SPDYE4: variants seen among roughly 807,000 people sequenced by gnomAD.
The protein encoded by SPDYE4 is speedy protein E4.
SPDYE4 carries 30 observed loss-of-function variants against 37.5 expected under a neutral mutation model. That is an observed-to-expected ratio of 0.80 (90% confidence interval 0.60 to 1.09). The LOEUF is 1.09. SPDYE4 is among the 50% of genes least tolerant of loss of function. The pLI is 0.00. For missense variants in SPDYE4, 300 were observed against 307.9 expected (o/e 0.97, Z 0.19); for synonymous variants, 131 against 120.3 (o/e 1.09, Z -0.58).
chr17:8,756,430 G>T lies in SPDYE4; in HGVS notation c.347C>A (p.Pro116His). Residue 116 changes from proline (P) to histidine (H), a missense_variant, in exon 3 of 7, where the codon CCT (proline) becomes CAT (histidine). Coordinates refer to ENST00000689094, the MANE Select transcript of SPDYE4 (RefSeq NM_001394956.1). The part of the protein sequence containing the change: ...HEAFNRLLGD[P>H]VVQKFLAWDK... ...CCAGGCCAGGAATTTTTGAACGACAGGATCCCCTGTGAAAAGAGAGCCTGT... is the reference window on the plus strand; with the variant it reads ...CCAGGCCAGGAATTTTTGAACGACATGATCCCCTGTGAAAAGAGAGCCTGT... 1 of 1,614,008 alleles carries T rather than the reference G, an allele frequency of 6.2e-7. No homozygotes were observed. Among genetic ancestry groups the T allele is most frequent in the Non-Finnish European group, 8.5e-7 (1 of 1,179,906 alleles).
chr17:8,752,888 C>T (rs575434046), intron 6 of SPDYE4, among the ~76,000 whole-genome samples: 3 of 152,238 alleles, frequency 2.0e-5, no homozygotes, highest in South Asian at 2.1e-4. Flanking sequence ...CCCCGACCTC[C>T]GGGGCTCTGG....
downstream of SPDYE4, among the ~76,000 whole-genome samples, chr17:8,748,535 A>C (rs556664248): frequency 2.6e-5 from 4 of 152,372 alleles, no homozygotes; most frequent in South Asian, 8.3e-4. Context: ...AAATGTGAGA[A>C]AGAAATGTTT....
At position 8,758,451 on chromosome 17, in the gene SPDYE4, G is replaced by A; in HGVS notation, c.-69C>T. The A allele has an allele frequency of 7.2e-7, 1 of 1,388,008 alleles. No individual in the cohort carries two copies. Among genetic ancestry groups the A allele is most frequent in the East Asian group, 2.5e-5 (1 of 40,078 alleles). The allele number at this position is 1,388,008 out of a possible 1,614,324, so 86.0% of individuals were successfully genotyped here. A position where few individuals can be genotyped will look rare whatever the true frequency, so the allele number is the denominator to read the frequency against. Reference sequence around the variant, plus strand: ...CTGTTCTGTCCAAAGCCTTCTTCCAGACTCCGTTAGGACCCAGAAGAGTGC... The same window carrying A: ...CTGTTCTGTCCAAAGCCTTCTTCCAAACTCCGTTAGGACCCAGAAGAGTGC... On this transcript the variant is annotated 5_prime_UTR_variant, in exon 1 of 7. Coordinates refer to ENST00000689094, the MANE Select transcript of SPDYE4 (RefSeq NM_001394956.1).
downstream of SPDYE4, among the ~76,000 whole-genome samples, chr17:8,747,666 C>T (rs2086698735): frequency 6.6e-6 from 1 of 152,142 alleles, no homozygotes; most frequent in African/African-American, 2.4e-5. Flanking sequence ...CAGAACACAG[C>T]CTTGATCTCG....
chr17:8,753,158 C>T lies in SPDYE4; in HGVS notation c.694G>A (p.Asp232Asn). 6.2e-7 allele frequency: 1 copy of T among 1,614,014 alleles called. No individual in the cohort carries two copies. Among genetic ancestry groups the T allele is most frequent in the Non-Finnish European group, 8.5e-7 (1 of 1,180,010 alleles). Residue 232 changes from aspartate (D) to asparagine (N), a missense_variant, in exon 6 of 7, where the codon GAT (aspartate) becomes AAT (asparagine). Asp to Asn is a conservative substitution (Grantham distance 23). Coordinates refer to ENST00000689094, the MANE Select transcript of SPDYE4 (RefSeq NM_001394956.1). ...GAGCTCTAGGAAATGAGGGTGCGAT[C>T]TCGGGCCCACACCCAGTGCTCTGGG... is the stretch of plus-strand genomic sequence containing the variant. ...YDPEHWVWAR[D>N]RTLIS is the part of the protein sequence containing the mutation.
At chr17:8,756,322 C>G (rs2086771895) in intron 3 of SPDYE4, 56 bp downstream of exon 3, 1 of 1,556,020 alleles carries the variant, frequency 6.4e-7, no homozygotes, top group Non-Finnish European at 8.8e-7. Context: ...GACGCTGCAC[C>G]CTTCCCCAGG....
In SPDYE4 at chr17:8,755,582, C is replaced by T. The variant is rs377608298; in HGVS notation, c.423G>A (p.Ala141=). 884 of 1,612,668 alleles carry T rather than the reference C, an allele frequency of 5.5e-4. 2 individuals are homozygous for T. Among genetic ancestry groups the T allele is most frequent in the Non-Finnish European group, 3.4e-4 (404 of 1,179,454 alleles). ...SDKYLLAMVI[A]YFSRAGLFSW... ...AGAAGAGGCCGGCACGGCTAAAATA[C>T]GCTATGACCATAGCCAGGAGATACT... The change falls in exon 4 of 7, where the codon GCG becomes GCA. Residue 141 remains alanine (A), a synonymous_variant. Coordinates refer to ENST00000689094, the MANE Select transcript of SPDYE4 (RefSeq NM_001394956.1).
downstream of SPDYE4, among the ~76,000 whole-genome samples, chr17:8,749,420 T>G (rs8078310): frequency 6.6e-6 from 1 of 151,984 alleles, no homozygotes; most frequent in African/African-American, 2.4e-5. Context: ...CATGCCACTA[T>G]GCCCGGCTAA....
rs2086794477 is a variant in SPDYE4, at chr17:8,758,543, A to T, written c.-161T>A. 1 of 643,232 alleles carries T rather than the reference A, an allele frequency of 1.6e-6. No individual in the cohort carries two copies. The highest frequency in any genetic ancestry group is 2.7e-6 in the Non-Finnish European group (1 of 377,302). The allele number at this position is 643,232 out of a possible 1,614,324, so 39.8% of individuals were successfully genotyped here. On this transcript the variant is annotated 5_prime_UTR_variant, in exon 1 of 7. Coordinates refer to ENST00000689094, the MANE Select transcript of SPDYE4 (RefSeq NM_001394956.1). ...TAGTTCTGAGAAGTTGCTGTTGTCC[A>T]CCTGAACTCCCAAGCAACCAGAGTC...
rs970859042 is a variant in SPDYE4 at position 8,751,290 on chromosome 17, G to A, written c.*992C>T. On this transcript the variant is annotated 3_prime_UTR_variant, in exon 7 of 7. Transcript: ENST00000689094. ...CATCACACAACTTCATAAGAACAGT[G>A]TCTTTTAAAAAATACTTGTATTTCT... Among the ~76,000 whole-genome samples the A allele has an allele frequency of 9.9e-5, 15 of 152,228 alleles. No individual in the cohort carries two copies. Among genetic ancestry groups the A allele is most frequent in the African/African-American group, 3.6e-4 (15 of 41,560 alleles).
chr17:8,758,290 T>A lies in SPDYE4; in HGVS notation c.93A>T (p.Glu31Asp), dbSNP rs1481890603. 10 of 1,547,246 alleles carry A rather than the reference T, an allele frequency of 6.5e-6. No individual in the cohort carries two copies. The highest frequency in any genetic ancestry group is 8.7e-6 in the Non-Finnish European group (10 of 1,144,904). The stretch of plus-strand genomic sequence containing the variant: ...TCACCTCACCTGATGGTCCTGGCAC[T>A]TCATCATCCACCACCACCTCGGGGG... ...VRSPEVVVDD[E>D]VPGPSAPWID... The change falls in exon 1 of 7, where the codon GAA becomes GAT. Residue 31 changes from glutamate (E) to aspartate (D), a missense_variant. Coordinates refer to ENST00000689094, the MANE Select transcript of SPDYE4 (RefSeq NM_001394956.1).
At position 8,753,191 on chromosome 17, in the gene SPDYE4, C is replaced by T; in HGVS notation, c.661G>A (p.Ala221Thr). Residue 221 changes from alanine (A) to threonine (T), a missense_variant, in exon 6 of 7, where the codon GCT becomes ACT. Physicochemically the swap from Ala to Thr is moderately conservative, Grantham distance 58. Coordinates refer to ENST00000689094, the MANE Select transcript of SPDYE4 (RefSeq NM_001394956.1). ...VSPEEMEEIQ[A>T]YDPEHWVWAR... ...CACACCCAGTGCTCTGGGTCATAAG[C>T]CTGGATCTGGAAAAACACACACCAC... 6.2e-7 allele frequency: 1 copy of T among 1,614,012 alleles called. No individual in the cohort carries two copies. The highest frequency in any genetic ancestry group is 8.5e-7 in the Non-Finnish European group (1 of 1,179,994).
At chr17:8,755,706 T>C in intron 3 of SPDYE4, 101 bp from the exon 4 acceptor site, 1 of 1,407,976 alleles carries the variant, frequency 7.1e-7, no homozygotes, top group Non-Finnish European at 9.9e-7. Flanking sequence ...CGGTTGTCTA[T>C]CACAGAAGGA....
chr17:8,753,277 C>G, intron 5 of SPDYE4, 44 bp downstream of exon 5: 1 of 1,387,752 alleles, frequency 7.2e-7, no homozygotes, highest in Non-Finnish European at 9.8e-7. Context: ...CTCCAGTCCA[C>G]CCCATCCCTC....
At chr17:8,757,628 C>CCTTTCT in intron 1 of SPDYE4, 136 bp from the exon 2 acceptor site, 1 of 729,214 alleles carries the variant, frequency 1.4e-6, no homozygotes, top group South Asian at 2.0e-5. Flanking sequence ...CATGTTTCCA[C>CCTTTCT]CTTTCTCCTT....
At chr17:8,750,465 CTT>C (rs1178649341), downstream of SPDYE4, among the ~76,000 whole-genome samples, 8 of 152,156 alleles carry the variant, frequency 5.3e-5, no homozygotes, top group African/African-American at 1.7e-4. Context: ...AATCCCAGCA[CTT>C]TGGGAGGCCG....
intron 6 of SPDYE4, among the ~76,000 whole-genome samples, chr17:8,752,449 A>G (rs938984584): frequency 7.2e-5 from 11 of 152,188 alleles, no homozygotes; most frequent in African/African-American, 2.7e-4. Context: ...ATCACTTAAT[A>G]TACCCAAGGT....
intron 4 of SPDYE4, 100 bp from the exon 5 acceptor site, chr17:8,753,589 T>G: frequency 7.0e-7 from 1 of 1,424,392 alleles, no homozygotes; most frequent in Non-Finnish European, 9.5e-7. Context: ...CTTCCTCAGC[T>G]CAGCACCAAC....
chr17:8,755,710 A>G lies in SPDYE4; in HGVS notation c.400-105T>C, dbSNP rs141749206. On this transcript the variant is annotated intron_variant, in intron 3 of 6. Coordinates refer to ENST00000689094, the MANE Select transcript of SPDYE4 (RefSeq NM_001394956.1). ...GGGCTGGGGCGCGGTTGTCTATCACAGAAGGAACCTCAGTGTTGGGTGACT... is the reference window on the plus strand; with the variant it reads ...GGGCTGGGGCGCGGTTGTCTATCACGGAAGGAACCTCAGTGTTGGGTGACT... The G allele has an allele frequency of 1.5e-5, 21 of 1,372,566 alleles. No individual in the cohort carries two copies. In the East Asian group the frequency reaches 4.8e-4, roughly 32 times the overall value. The allele number at this position is 1,372,566 out of a possible 1,614,324, so 85.0% of individuals were successfully genotyped here.
Sources: gnomAD v4.1 joint callset for allele counts (sites outside exome capture counted in the v4.1 genomes callset) on GRCh38, gnomAD v4.1.1 for gene constraint, MANE v1.5 for transcripts, NCBI Gene and HGNC (gene_info 2026-07-23, HGNC 2026-07-21) for gene names.